SAT1: variants seen among roughly 807,000 people sequenced by gnomAD.
SAT1 encodes the protein spermidine/spermine N1-acetyltransferase 1.
Under a neutral mutation model 14.7 loss-of-function variants are expected in SAT1, and 1 was observed. The observed-to-expected ratio is 0.07, with a 90% confidence interval of 0.02 to 0.32. The LOEUF (loss-of-function observed/expected upper bound fraction) is 0.32. Among genes scored for constraint, SAT1 ranks in the 10% least tolerant of loss-of-function variants. The pLI, the probability that SAT1 is intolerant of heterozygous loss-of-function variation, is 1.00. For synonymous variants in SAT1, 67 were observed against 46.1 expected (o/e 1.45, Z -1.84); for missense variants, 77 against 129.1 (o/e 0.60, Z 1.96).
Position 23,785,352 on chromosome X carries a change from T to C in SAT1, c.227T>C (p.Met76Thr). The C allele has an allele frequency of 8.3e-7, 1 of 1,205,499 alleles. No homozygotes were observed. The highest frequency in any genetic ancestry group is 1.1e-6 in the Non-Finnish European group (1 of 889,468). Residue 76 changes from methionine (M) to threonine (T), a missense_variant, in exon 4 of 6, where the codon ATG becomes ACG. Transcript: ENST00000379270. ...GGACACAGCATTGTTGGTTTTGCCA[T>C]GTACTATTTTACCTATGACCCGTGG... ...PEGHSIVGFAMYYFTYDPWIG... is the reference protein window; with the variant it reads ...PEGHSIVGFATYYFTYDPWIG...
chrX:23,784,568 C>CT (rs9306769), intron 3 of SAT1, among the ~76,000 whole-genome samples: 2,303 of 60,427 alleles, frequency 0.038, 187 homozygotes, highest in African/African-American at 0.08. Flanking sequence ...TGTCAGATGC[C>CT]TTTTTTTTTT....
chrX:23,783,220 G>A lies in SAT1; in HGVS notation c.-132G>A. 1 of 567,315 alleles carries A rather than the reference G, an allele frequency of 1.8e-6. No homozygotes were observed. The allele number at this position is 567,315 out of a possible 1,213,427, so 46.8% of individuals were successfully genotyped here. A position where few individuals can be genotyped will look rare whatever the true frequency, so the allele number is the denominator to read the frequency against. ...GACTGGTGTTTATCCGTCACTCGCCGAGGTTCCTTGGGTCATGGTGCCAGC... is the reference window on the plus strand; with the variant it reads ...GACTGGTGTTTATCCGTCACTCGCCAAGGTTCCTTGGGTCATGGTGCCAGC... On this transcript the variant is annotated 5_prime_UTR_variant, in exon 1 of 6. Coordinates refer to ENST00000379270, the MANE Select transcript of SAT1 (RefSeq NM_002970.4).
At position 23,785,868 on chromosome X, in the gene SAT1, G is replaced by A; in HGVS notation, c.*12G>A. ...CAACAGAGGAGTGAGGAGTGCTGCT[G>A]TAGATGACAACCTCCATTCTATTTT... On this transcript the variant is annotated 3_prime_UTR_variant, in exon 6 of 6. Transcript: ENST00000379270. The A allele has an allele frequency of 8.6e-7, 1 of 1,156,469 alleles. No homozygotes were observed. Among genetic ancestry groups the A allele is most frequent in the Non-Finnish European group, 1.2e-6 (1 of 863,650 alleles).
chrX:23,783,935 G>T, intron 3 of SAT1, 52 bp downstream of exon 3: 1 of 1,211,054 alleles, frequency 8.3e-7, no homozygotes, highest in Non-Finnish European at 1.1e-6. Context: ...TATGTAAGAA[G>T]TAGTGTCGGC....
chrX:23,784,183 G>A (rs1470372358), intron 3 of SAT1: 1 of 903,768 alleles, frequency 1.1e-6, no homozygotes, highest in Non-Finnish European at 1.4e-6. Context: ...TAGATATAAT[G>A]TCATTTGTTG....
At chrX:23,785,083 T>A (rs1268653718) in intron 3 of SAT1, 2 of 405,475 alleles carry the variant, frequency 4.9e-6, no homozygotes, top group South Asian at 3.7e-5. Flanking sequence ...CAGTCCACAG[T>A]TGTAGCCTGA....
intron 1 of SAT1, 113 bp downstream of exon 1, chrX:23,783,530 C>G (rs1239967121): frequency 1.1e-6 from 1 of 935,256 alleles, no homozygotes; most frequent in African/African-American, 2.0e-5. Flanking sequence ...CAGCCTGTTC[C>G]CCTTTCTGCG....
chrX:23,785,205 T>C, intron 3 of SAT1, 123 bp from the exon 4 acceptor site: 1 of 535,440 alleles, frequency 1.9e-6, no homozygotes, highest in South Asian at 2.7e-5. Flanking sequence ...CAGCCATGGC[T>C]ACTTGTTTCT....
intron 3 of SAT1, chrX:23,784,889 T>C (rs1156655102): frequency 8.4e-6 from 1 of 119,601 alleles, no homozygotes; most frequent in African/African-American, 3.2e-5. Flanking sequence ...GTTTGTAAAC[T>C]TCCAAATATT....
Position 23,785,503 on chromosome X carries a change from G to C in SAT1, c.305-17G>C, listed in dbSNP as rs1459813986. ...AATGCTTACAATGACTTTTTAAATT[G>C]TACTCTTTCTTTTTAGGCTTTGGCA... On this transcript the variant is annotated splice_polypyrimidine_tract_variant and intron_variant, in intron 4 of 5. Coordinates refer to ENST00000379270, the MANE Select transcript of SAT1 (RefSeq NM_002970.4). 1 of 1,199,523 alleles carries C rather than the reference G, an allele frequency of 8.3e-7. No individual in the cohort carries two copies. Among genetic ancestry groups the C allele is most frequent in the African/African-American group, 1.8e-5 (1 of 57,094 alleles).
At chrX:23,785,141 A>G in intron 3 of SAT1, 187 bp from the exon 4 acceptor site, 1 of 451,623 alleles carries the variant, frequency 2.2e-6, no homozygotes. Context: ...TGTTCTCAGA[A>G]CAGTGAGATC....
Position 23,783,864 on chromosome X carries a change from A to G in SAT1, c.183A>G (p.Lys61=). 8.3e-7 allele frequency: 1 copy of G among 1,211,550 alleles called. No individual in the cohort carries two copies. Among genetic ancestry groups the G allele is most frequent in the Non-Finnish European group, 1.1e-6 (1 of 895,538 alleles). The change falls in exon 3 of 6, where the codon AAA becomes AAG. Residue 61 remains lysine, a synonymous_variant. Transcript: ENST00000379270. ...FYHCLVAEVP[K]EHWTPEGHSI... ...ACTGCCTGGTTGCAGAAGTGCCGAA[A>G]GAGCACTGGACTCCGGAAGGTAACC...
chrX:23,783,240 G>T lies in SAT1; in HGVS notation c.-112G>T. On this transcript the variant is annotated 5_prime_UTR_variant, in exon 1 of 6. Transcript: ENST00000379270. ...TCGCCGAGGTTCCTTGGGTCATGGTGCCAGCCTGACTGAGAAGAGGACGCT... is the reference window on the plus strand; with the variant it reads ...TCGCCGAGGTTCCTTGGGTCATGGTTCCAGCCTGACTGAGAAGAGGACGCT... 1.4e-6 allele frequency: 1 copy of T among 717,312 alleles called. No homozygotes were observed. Among genetic ancestry groups the T allele is most frequent in the Non-Finnish European group, 2.2e-6 (1 of 458,691 alleles). The allele number at this position is 717,312 out of a possible 1,213,427, so 59.1% of individuals were successfully genotyped here. A position where few individuals can be genotyped will look rare whatever the true frequency, so the allele number is the denominator to read the frequency against.
rs749095747 is a variant in SAT1 at position 23,785,433 on chromosome X, C to T, written c.304+4C>T. 8.5e-6 allele frequency: 10 copies of T among 1,176,580 alleles called. No homozygotes were observed. Among genetic ancestry groups the T allele is most frequent in the Admixed American group, 4.4e-5 (2 of 45,918 alleles). On this transcript the variant is annotated splice_donor_region_variant and intron_variant, in intron 4 of 5. Coordinates refer to ENST00000379270, the MANE Select transcript of SAT1 (RefSeq NM_002970.4). ...TTCGTGATGAGTGATTATAGAGGTA[C>T]GATTGAGTTCGGAGCAGAGGGTCTG...
At chrX:23,784,226 C>A in intron 3 of SAT1, 1 of 861,844 alleles carries the variant, frequency 1.2e-6, no homozygotes, top group Non-Finnish European at 1.5e-6. Context: ...TCTTGTTTGA[C>A]CCTAACGTAA....
Position 23,786,107 on chromosome X carries a change from G to GA in SAT1, c.*258dup. On this transcript the variant is annotated 3_prime_UTR_variant, in exon 6 of 6. Coordinates refer to ENST00000379270, the MANE Select transcript of SAT1 (RefSeq NM_002970.4). The stretch of plus-strand genomic sequence containing the variant: ...AAGGTGGTGTGATCTTAATATATTT[G>GA]AAAAAAACTTCATTCTCGTGAGTCA... 3.7e-6 allele frequency: 1 copy of GA among 272,630 alleles called. No homozygotes were observed. Among genetic ancestry groups the GA allele is most frequent in the Non-Finnish European group, 6.5e-6 (1 of 154,568 alleles). The allele number at this position is 272,630 out of a possible 1,213,427, so 22.5% of individuals were successfully genotyped here.
At position 23,783,388 on chromosome X, in the gene SAT1, G is replaced by A. The variant is rs751600110; in HGVS notation, c.37G>A (p.Asp13Asn). 17 of 1,210,972 alleles carry A rather than the reference G, an allele frequency of 1.4e-5. No individual in the cohort carries two copies. The highest frequency in any genetic ancestry group is 1.8e-5 in the Non-Finnish European group (16 of 894,792). Residue 13 changes from aspartate (D) to asparagine (N), a missense_variant, in exon 1 of 6, where the codon GAC becomes AAC. By Grantham distance (23) the Asp-to-Asn change is conservative (BLOSUM62 1). Transcript: ENST00000379270. ...CGTGATCCGCCCAGCCACTGCCGCC[G>A]ACTGCAGTGACATACTGCGGCTGAT... ...KFVIRPATAA[D>N]CSDILRLIKE... is the part of the protein sequence containing the mutation.
rs139915283 is a variant in SAT1 at position 23,783,386 on chromosome X, C to A, written c.35C>A (p.Ala12Asp). Residue 12 changes from alanine to aspartate, a missense_variant, in exon 1 of 6, where the codon GCC becomes GAC. Transcript: ENST00000379270. Reference protein sequence around the residue: ...AKFVIRPATAADCSDILRLIK... With the variant: ...AKFVIRPATADDCSDILRLIK... ...TTCGTGATCCGCCCAGCCACTGCCG[C>A]CGACTGCAGTGACATACTGCGGCTG... The A allele has an allele frequency of 4.6e-4, 554 of 1,209,544 alleles. No individual in the cohort carries two copies. The highest frequency in any genetic ancestry group is 5.7e-4 in the Non-Finnish European group (511 of 894,610).
Position 23,785,947 on chromosome X carries a change from G to A in SAT1, c.*91G>A, listed in dbSNP as rs375800159. The A allele has an allele frequency of 1.3e-6, 1 of 791,758 alleles. No homozygotes were observed. The allele number at this position is 791,758 out of a possible 1,213,427, so 65.2% of individuals were successfully genotyped here. ...CTATGCTGTTTGTAGTGAAATAATA[G>A]AATGAGCACCCATTCCAAAGCTTTA... On this transcript the variant is annotated 3_prime_UTR_variant, in exon 6 of 6. Coordinates refer to ENST00000379270, the MANE Select transcript of SAT1 (RefSeq NM_002970.4).
Sources: allele counts gnomAD v4.1 joint callset (sites outside exome capture counted in the v4.1 genomes callset), GRCh38; gene constraint gnomAD v4.1.1; transcripts MANE v1.5; gene names NCBI Gene and HGNC (gene_info 2026-07-23, HGNC 2026-07-21).